Variants in RLN2 observed in about 807,000 individuals in gnomAD.
The protein encoded by RLN2 is prorelaxin H2.
Under a neutral mutation model 7.3 loss-of-function variants are expected in RLN2, and 10 were observed. The observed-to-expected ratio is 1.36, with a 90% confidence interval of 0.84 to 2.31. The LOEUF (loss-of-function observed/expected upper bound fraction) is 2.31. Ranked by LOEUF, RLN2 falls within the 30% of genes most tolerant of loss-of-function variation. The pLI, the probability that RLN2 is intolerant of heterozygous loss-of-function variation, is 0.00. For synonymous variants in RLN2, 103 were observed against 82.3 expected, an observed-to-expected ratio of 1.25 and a Z score of -1.36; for missense variants, 298 against 217.6, an observed-to-expected ratio of 1.37 and a Z score of -2.32.
chr9:5,317,923 C>A, the RLN2 span, among the ~76,000 whole-genome samples: 3 of 151,642 alleles, frequency 2.0e-5, no homozygotes, highest in Non-Finnish European at 2.9e-5. Context: ...CTCATCTATG[C>A]CAATGGGGTG....
chr9:5,320,067 C>T, the RLN2 span, among the ~76,000 whole-genome samples: 2 of 151,072 alleles, frequency 1.3e-5, no homozygotes, highest in African/African-American at 4.9e-5. Flanking sequence ...TTCACTGCAA[C>T]CTCTGCCTCC....
the RLN2 span, among the ~76,000 whole-genome samples, chr9:5,336,164 C>T: frequency 6.6e-6 from 1 of 152,000 alleles, no homozygotes; most frequent in Non-Finnish European, 1.5e-5. Flanking sequence ...TCTGATGTTC[C>T]TCAATCATCT....
upstream of RLN2, among the ~76,000 whole-genome samples, chr9:5,305,174 G>T (rs890063142): frequency 6.6e-6 from 1 of 151,864 alleles, no homozygotes; most frequent in Non-Finnish European, 1.5e-5. Context: ...TAATCTGAAT[G>T]CAGGTAAAAA....
chr9:5,311,815 T>C, the RLN2 span: 1 of 653,116 alleles, frequency 1.5e-6, no homozygotes, highest in South Asian at 1.7e-5. Flanking sequence ...TTTTTTTTTT[T>C]AGTATTTTTT....
chr9:5,307,280 GATA>G (rs748577467), upstream of RLN2, among the ~76,000 whole-genome samples: 1,473 of 70,382 alleles, frequency 0.021, 23 homozygotes, highest in Middle Eastern at 0.06. Context: ...AGGATAGATA[GATA>G]GATAGATAGA....
chr9:5,326,486 C>G, the RLN2 span, among the ~76,000 whole-genome samples: 1 of 152,076 alleles, frequency 6.6e-6, no homozygotes, highest in African/African-American at 2.4e-5. Flanking sequence ...CCCAGACTGG[C>G]TGATCTCCAT....
chr9:5,307,602 G>C (rs1816278216), upstream of RLN2, among the ~76,000 whole-genome samples: 1 of 152,012 alleles, frequency 6.6e-6, no homozygotes. Flanking sequence ...AGGGATGTGG[G>C]TCAGGATGGG....
At chr9:5,328,527 C>G in the RLN2 span, among the ~76,000 whole-genome samples, 17 of 152,114 alleles carry the variant, frequency 1.1e-4, no homozygotes, top group East Asian at 3.3e-3. Context: ...TCTAGCAAGG[C>G]AGGCCAACAT....
At chr9:5,319,669 A>C in the RLN2 span, among the ~76,000 whole-genome samples, 1 of 152,024 alleles carries the variant, frequency 6.6e-6, no homozygotes, top group Non-Finnish European at 1.5e-5. Flanking sequence ...ATGTTAGTTT[A>C]TTTACAATAA....
chr9:5,332,124 G>T, the RLN2 span, among the ~76,000 whole-genome samples: 1 of 151,872 alleles, frequency 6.6e-6, no homozygotes, highest in Non-Finnish European at 1.5e-5. Context: ...AAACAAAACT[G>T]ATCTACGTGT....
chr9:5,316,687 C>T, the RLN2 span, among the ~76,000 whole-genome samples: 11 of 152,058 alleles, frequency 7.2e-5, 1 homozygote, highest in African/African-American at 2.7e-4. Flanking sequence ...TTTATCCAGT[C>T]TATCATGGGT....
the RLN2 span, chr9:5,335,184 A>C: frequency 1.1e-6 from 1 of 889,538 alleles, no homozygotes; most frequent in Non-Finnish European, 1.7e-6. Context: ...ACCTGACAGA[A>C]GCATCAGTGA....
the RLN2 span, among the ~76,000 whole-genome samples, chr9:5,324,128 C>A: frequency 6.6e-6 from 1 of 151,318 alleles, no homozygotes; most frequent in Non-Finnish European, 1.5e-5. Context: ...GTTATATGTG[C>A]AAAAAAAATC....
At chr9:5,307,939 T>G (rs950081496), upstream of RLN2, among the ~76,000 whole-genome samples, 1 of 152,076 alleles carries the variant, frequency 6.6e-6, no homozygotes, top group African/African-American at 2.4e-5. Flanking sequence ...AGTTTTGTAT[T>G]TTCTACAAAA....
At chr9:5,304,234 C>A (rs1213432042) in intron 1 of RLN2, 136 bp downstream of exon 1, 11 of 603,764 alleles carry the variant, frequency 1.8e-5, no homozygotes, top group Admixed American at 6.1e-5. Context: ...GGACCAGCCA[C>A]GGCTGAGTAG....
At chr9:5,329,099 C>T in the RLN2 span, among the ~76,000 whole-genome samples, 1 of 151,412 alleles carries the variant, frequency 6.6e-6, no homozygotes, top group African/African-American at 2.4e-5. Context: ...GTCAGGAGAT[C>T]GAGACCATCC....
the RLN2 span, chr9:5,311,760 A>T: frequency 1.2e-6 from 1 of 812,306 alleles, no homozygotes; most frequent in African/African-American, 1.7e-5. Context: ...GTGACTGTAG[A>T]GTTTGAAATA....
the RLN2 span, among the ~76,000 whole-genome samples, chr9:5,318,384 C>T: frequency 4.0e-5 from 6 of 151,874 alleles, no homozygotes; most frequent in Non-Finnish European, 7.4e-5. Flanking sequence ...CTATTTCCTA[C>T]ACCTCTTGGT....
chr9:5,316,153 G>T, the RLN2 span, among the ~76,000 whole-genome samples: 1 of 151,862 alleles, frequency 6.6e-6, no homozygotes, highest in Admixed American at 6.6e-5. Context: ...AAGTTGTTAA[G>T]AAGCACATAA....
Sources: allele counts gnomAD v4.1 joint callset (sites outside exome capture counted in the v4.1 genomes callset), GRCh38; gene constraint gnomAD v4.1.1; transcripts MANE v1.5; gene names NCBI Gene and HGNC (gene_info 2026-07-23, HGNC 2026-07-21).